Variants in KCNN3 observed in about 807,000 individuals in gnomAD.
The protein encoded by KCNN3 is potassium calcium-activated channel subfamily N member 3.
In KCNN3, 16 loss-of-function variants were observed where a neutral mutation model predicts 62.9. That is an observed-to-expected ratio of 0.25 (90% CI 0.17 to 0.39). The LOEUF is 0.39. Among genes scored for constraint, KCNN3 ranks in the 10% least tolerant of loss-of-function variants. KCNN3 has a pLI of 1.00. For missense variants in KCNN3, 599 were observed against 949.4 expected, an observed-to-expected ratio of 0.63 and a Z score of 4.85; for synonymous variants, 370 against 389.2, an observed-to-expected ratio of 0.95 and a Z score of 0.58.
chr1:154,847,945 C>A lies in KCNN3; in HGVS notation c.933+21087G>T, dbSNP rs559028333. Among the ~76,000 whole-genome samples the A allele has an allele frequency of 9.2e-5, 14 of 152,376 alleles. No homozygotes were observed. In the South Asian group the frequency reaches 2.9e-3, roughly 32 times the overall value. On this transcript the variant is annotated intron_variant, in intron 1 of 7. Coordinates refer to ENST00000271915, the MANE Select transcript of KCNN3 (RefSeq NM_002249.6). The stretch of plus-strand genomic sequence containing the variant: ...CAGCCAGTCACTCCCCCAGCTCCGA[C>A]ACGAACCCGAGAGTAGCCGGCTCCA...
intron 7 of KCNN3, among the ~76,000 whole-genome samples, chr1:154,713,261 A>G (rs1457807313): frequency 6.6e-6 from 1 of 152,196 alleles, no homozygotes; most frequent in African/African-American, 2.4e-5. Flanking sequence ...AACAAACACC[A>G]AGTTTCAAAA....
intron 3 of KCNN3, among the ~76,000 whole-genome samples, chr1:154,750,471 C>G (rs1208249554): frequency 6.6e-6 from 1 of 152,166 alleles, no homozygotes; most frequent in Non-Finnish European, 1.5e-5. Flanking sequence ...TCTGGAGATG[C>G]CTTCTCACCT....
chr1:154,780,967 C>G (rs370954188), intron 2 of KCNN3, among the ~76,000 whole-genome samples: 24 of 152,168 alleles, frequency 1.6e-4, no homozygotes, highest in African/African-American at 5.3e-4. Context: ...CACGCTACCC[C>G]GCTCTGTGTC....
At chr1:154,738,159 G>C (rs1260120656) in intron 3 of KCNN3, among the ~76,000 whole-genome samples, 2 of 152,144 alleles carry the variant, frequency 1.3e-5, no homozygotes, top group Non-Finnish European at 2.9e-5. Context: ...TGCACACCAA[G>C]GCACATTATT....
At position 154,809,530 on chromosome 1, in the gene KCNN3, A is replaced by G. The variant is rs188298128; in HGVS notation, c.1029+12559T>C. On this transcript the variant is annotated intron_variant, in intron 2 of 7. Transcript: ENST00000271915. The surrounding 1 kb of genome is among the most constrained non-coding windows in gnomAD (Gnocchi z 4.3). ...TCTTTAGTCCAACCAAAGAAAGTTT[A>G]CCTCCCAGATTTGACTTCTGGTTCG... 2.0e-5 allele frequency among the ~76,000 whole-genome samples: 3 copies of G among 152,256 alleles called. No individual in the cohort carries two copies. In the East Asian group the frequency reaches 5.8e-4, roughly 29 times the overall value.
intron 1 of KCNN3, among the ~76,000 whole-genome samples, chr1:154,830,677 C>T (rs144616462): frequency 4.6e-5 from 7 of 152,266 alleles, no homozygotes; most frequent in South Asian, 4.1e-4. Flanking sequence ...CAGAAGGAGA[C>T]GGAACCTGAT....
chr1:154,707,349 G>A lies in KCNN3; in HGVS notation c.*627C>T, dbSNP rs1175980453. 1 of 151,484 alleles carries A rather than the reference G, an allele frequency of 6.6e-6. No individual in the cohort carries two copies. Among genetic ancestry groups the A allele is most frequent in the African/African-American group, 2.4e-5 (1 of 41,176 alleles). The allele number at this position is 151,484 out of a possible 1,614,324, so 9.4% of individuals were successfully genotyped here. On this transcript the variant is annotated 3_prime_UTR_variant, in exon 8 of 8. Transcript: ENST00000271915. ...ACGTGGGATGTGTATGTGTGTACAT[G>A]TACACGTTTGCAAACACACAGGTTT...
At chr1:154,817,602 A>G (rs1369182862) in intron 2 of KCNN3, among the ~76,000 whole-genome samples, 1 of 152,224 alleles carries the variant, frequency 6.6e-6, no homozygotes, top group Non-Finnish European at 1.5e-5. Flanking sequence ...ATTTGCGCCA[A>G]GCTGGGCTGC....
intron 3 of KCNN3, among the ~76,000 whole-genome samples, chr1:154,738,190 G>A (rs576826414): frequency 6.6e-6 from 1 of 152,240 alleles, no homozygotes; most frequent in Non-Finnish European, 1.5e-5. Flanking sequence ...AGAACACCAG[G>A]GGAAAGGAGA....
intron 6 of KCNN3, 21 bp downstream of exon 6, chr1:154,714,855 G>T: frequency 6.2e-7 from 1 of 1,612,986 alleles, no homozygotes; most frequent in South Asian, 1.1e-5. Flanking sequence ...TCTGATGGCT[G>T]AACCGCTCTG....
At chr1:154,800,021 C>T (rs906099155) in intron 2 of KCNN3, among the ~76,000 whole-genome samples, 5 of 152,204 alleles carry the variant, frequency 3.3e-5, no homozygotes, top group African/African-American at 1.2e-4. Flanking sequence ...CACATGCAGG[C>T]GAAGGGTGTG....
At chr1:154,779,732 G>C (rs1648942652) in intron 2 of KCNN3, among the ~76,000 whole-genome samples, 1 of 152,304 alleles carries the variant, frequency 6.6e-6, no homozygotes, top group Non-Finnish European at 1.5e-5. Flanking sequence ...CAAATGCTGA[G>C]GGTAAATGGA....
At position 154,703,562 on chromosome 1, in the gene KCNN3, A is replaced by T. The variant is rs970563232; in HGVS notation, c.*4414T>A. 1 of 152,252 alleles carries T rather than the reference A, an allele frequency of 6.6e-6. No homozygotes were observed. The highest frequency in any genetic ancestry group is 6.5e-5 in the Admixed American group (1 of 15,290). The allele number at this position is 152,252 out of a possible 1,614,324, so 9.4% of individuals were successfully genotyped here. A position where few individuals can be genotyped will look rare whatever the true frequency, so the allele number is the denominator to read the frequency against. On this transcript the variant is annotated 3_prime_UTR_variant, in exon 8 of 8. Coordinates refer to ENST00000271915, the MANE Select transcript of KCNN3 (RefSeq NM_002249.6). ...TTCAAAAGAGTAGTAACCTACTGGT[A>T]GTGCAATGACTTCACAGTATCTCAG...
At chr1:154,737,656 G>A (rs1437855210) in intron 3 of KCNN3, among the ~76,000 whole-genome samples, 2 of 152,078 alleles carry the variant, frequency 1.3e-5, no homozygotes, top group Non-Finnish European at 2.9e-5. Flanking sequence ...CTGGACCCAC[G>A]AGACAAGAAT....
intron 7 of KCNN3, among the ~76,000 whole-genome samples, chr1:154,710,010 A>G (rs1049416376): frequency 1.3e-5 from 2 of 152,210 alleles, no homozygotes; most frequent in Non-Finnish European, 2.9e-5. Flanking sequence ...ATAGTTTACA[A>G]AGCATTTTCA....
rs375490582 is a variant in KCNN3 at position 154,816,127 on chromosome 1, C to T, written c.1029+5962G>A. On this transcript the variant is annotated intron_variant, in intron 2 of 7. Transcript: ENST00000271915. ...TTTTATATACCTAATAAATTAAAAG[C>T]CTCCCCTTTTTTTGGTCCCTTGTAT... 8.5e-5 allele frequency among the ~76,000 whole-genome samples: 13 copies of T among 152,240 alleles called. No individual in the cohort carries two copies. In the East Asian group the frequency reaches 1.9e-3, roughly 23 times the overall value.
intron 2 of KCNN3, among the ~76,000 whole-genome samples, chr1:154,782,988 G>A (rs947523748): frequency 3.3e-5 from 5 of 152,156 alleles, no homozygotes; most frequent in East Asian, 1.9e-4. Context: ...CGAGGCGGGC[G>A]GATCATGAGG....
intron 2 of KCNN3, among the ~76,000 whole-genome samples, chr1:154,816,193 C>T (rs1039331432): frequency 1.3e-5 from 2 of 152,126 alleles, no homozygotes; most frequent in Non-Finnish European, 2.9e-5. Flanking sequence ...TTGTTACTAC[C>T]GTTACGTTTC....
intron 3 of KCNN3, among the ~76,000 whole-genome samples, chr1:154,747,568 A>T (rs1473027331): frequency 1.3e-5 from 2 of 152,000 alleles, no homozygotes; most frequent in Non-Finnish European, 2.9e-5. Flanking sequence ...TGGTACTCTG[A>T]TTTGCTTTCT....
Sources: gnomAD v4.1 joint callset for allele counts (sites outside exome capture counted in the v4.1 genomes callset) on GRCh38, gnomAD v4.1.1 for gene constraint, Gnocchi (gnomAD v3.1) non-coding constraint, MANE v1.5 for transcripts, NCBI Gene and HGNC (gene_info 2026-07-23, HGNC 2026-07-21) for gene names.